PYGL: variants seen among roughly 807,000 people sequenced by gnomAD.
PYGL encodes glycogen phosphorylase L.
In PYGL, 90 loss-of-function variants were observed where a neutral mutation model predicts 100.1. The ratio of observed to expected loss-of-function variants is 0.90; its 90% CI spans 0.76 to 1.07. The LOEUF (loss-of-function observed/expected upper bound fraction) is 1.07. PYGL is among the 50% of genes least tolerant of loss of function. The pLI, the probability that PYGL is intolerant of heterozygous loss-of-function variation, is 0.00. For missense variants in PYGL, 1,016 were observed against 1,057.6 expected, an observed-to-expected ratio of 0.96 and a Z score of 0.55; for synonymous variants, 373 against 393.0, an observed-to-expected ratio of 0.95 and a Z score of 0.60.
At chr14:50,938,291 A>G (rs1292748180) in intron 1 of PYGL, among the ~76,000 whole-genome samples, 1 of 152,118 alleles carries the variant, frequency 6.6e-6, no homozygotes, top group East Asian at 1.9e-4. Flanking sequence ...GCTCACTGCA[A>G]CCTCTACCTC....
At chr14:50,908,240 T>G in intron 19 of PYGL, 31 bp downstream of exon 19, 1 of 1,526,920 alleles carries the variant, frequency 6.5e-7, no homozygotes, top group Non-Finnish European at 9.1e-7. Context: ...AGTAAACTGG[T>G]TTTCTTTATA....
chr14:50,905,827 C>T (rs2050330056), intron 19 of PYGL, among the ~76,000 whole-genome samples: 1 of 152,222 alleles, frequency 6.6e-6, no homozygotes, highest in South Asian at 2.1e-4. Flanking sequence ...GCAATTCCTG[C>T]TATGGTTACA....
rs2050383448 is a variant in PYGL, at chr14:50,910,479, AG to A, written c.1970-378del. ...TTTTTTTCTTTCTCTTTTTTGGTAC[AG>A]GGTCTCTCTCTGTCACCCAGGCTGG... is the stretch of plus-strand genomic sequence containing the variant. On this transcript the variant is annotated intron_variant, in intron 16 of 19. Coordinates refer to ENST00000216392, the MANE Select transcript of PYGL (RefSeq NM_002863.5). 2.0e-5 allele frequency among the ~76,000 whole-genome samples: 3 copies of A among 151,986 alleles called. No individual in the cohort carries two copies. In the South Asian group the frequency reaches 6.2e-4, roughly 32 times the overall value.
chr14:50,908,908 A>G lies in PYGL; in HGVS notation c.2225T>C (p.Val742Ala), dbSNP rs1244453742. The change falls in exon 18 of 20, where the codon GTC (valine) becomes GCC (alanine). Residue 742 changes from valine to alanine, a missense_variant. Coordinates refer to ENST00000216392, the MANE Select transcript of PYGL (RefSeq NM_002863.5). ...YYEALPELKL[V>A]IDQIDNGFFS... ...AAAGCCATTGTCAATTTGATCAATG[A>G]CCAGCTTCAGCTCTGGAAGTGCCTC... 5 of 1,594,958 alleles carry G rather than the reference A, an allele frequency of 3.1e-6. No homozygotes were observed. Among genetic ancestry groups the G allele is most frequent in the East Asian group, 2.3e-5 (1 of 44,354 alleles).
At position 50,912,000 on chromosome 14, in the gene PYGL, C is replaced by G; in HGVS notation, c.1805G>C (p.Arg602Thr). 1.2e-6 allele frequency: 2 copies of G among 1,613,920 alleles called. No homozygotes were observed. The highest frequency in any genetic ancestry group is 1.7e-6 in the Non-Finnish European group (2 of 1,179,780). ...TACTTTACCACCAATGATAACTGTC[C>G]TTGGCACGAATAACTTCTTAGGGTC... The part of the protein sequence containing the change: ...KKDPKKLFVP[R>T]TVIIGGKAAP... Residue 602 changes from arginine (R) to threonine (T), a missense_variant, in exon 15 of 20, where the codon AGG becomes ACG. Transcript: ENST00000216392.
In PYGL at chr14:50,905,527, G is replaced by C. The variant is rs776578863; in HGVS notation, c.2409C>G (p.Leu803=). ...MNPKAWNTMV[L]KNIAASGKFS... is the part of the protein sequence containing the mutation. ...ATTTCCCCGAGGCAGCTATGTTTTT[G>C]AGTACCATTGTGTTCCAGGCCTTTG... Residue 803 remains leucine, a synonymous_variant, in exon 20 of 20, where the codon CTC becomes CTG. Transcript: ENST00000216392. The C allele has an allele frequency of 6.2e-7, 1 of 1,614,000 alleles. No homozygotes were observed. The highest frequency in any genetic ancestry group is 1.1e-5 in the South Asian group (1 of 91,076).
chr14:50,921,292 C>A, intron 5 of PYGL: 3 of 560,212 alleles, frequency 5.4e-6, no homozygotes, highest in South Asian at 4.1e-5. Context: ...ACCATCCACA[C>A]TGATGGTCCT....
At chr14:50,914,887 G>A (rs531787728) in intron 11 of PYGL, 72 bp from the exon 12 acceptor site, 30 of 1,180,674 alleles carry the variant, frequency 2.5e-5, no homozygotes, top group South Asian at 1.1e-4. Context: ...GACAAAGTTC[G>A]GAGTTATATT....
chr14:50,905,246 A>T lies in PYGL; in HGVS notation c.*146T>A. ...CCTTGGAAATTGACACTTTATTTTT[A>T]AGCTCTATTACATATAATTTCCCTC... is the stretch of plus-strand genomic sequence containing the variant. On this transcript the variant is annotated 3_prime_UTR_variant, in exon 20 of 20. Coordinates refer to ENST00000216392, the MANE Select transcript of PYGL (RefSeq NM_002863.5). 1.2e-6 allele frequency: 1 copy of T among 813,104 alleles called. No homozygotes were observed. Among genetic ancestry groups the T allele is most frequent in the Non-Finnish European group, 1.9e-6 (1 of 515,952 alleles). The allele number at this position is 813,104 out of a possible 1,614,324, so 50.4% of individuals were successfully genotyped here. A position where few individuals can be genotyped will look rare whatever the true frequency, so the allele number is the denominator to read the frequency against.
intron 1 of PYGL, among the ~76,000 whole-genome samples, chr14:50,938,954 C>G (rs975558134): frequency 6.6e-5 from 10 of 152,102 alleles, no homozygotes; most frequent in Admixed American, 3.3e-4. Context: ...AAGATTAACT[C>G]CCACACACCG....
At chr14:50,934,417 C>A (rs551148085) in intron 3 of PYGL, among the ~76,000 whole-genome samples, 1 of 152,030 alleles carries the variant, frequency 6.6e-6, no homozygotes, top group Non-Finnish European at 1.5e-5. Context: ...AATTGAGAAG[C>A]TTTGAACAAA....
At chr14:50,933,283 A>G (rs1210963367) in intron 3 of PYGL, among the ~76,000 whole-genome samples, 5 of 152,214 alleles carry the variant, frequency 3.3e-5, no homozygotes, top group Non-Finnish European at 4.4e-5. Context: ...AGCCTACTAA[A>G]TTGTCTGATA....
intron 17 of PYGL, 41 bp downstream of exon 17, chr14:50,909,854 G>A (rs763671466): frequency 1.9e-5 from 30 of 1,604,510 alleles, no homozygotes; most frequent in East Asian, 2.2e-5. Flanking sequence ...TTCTAGGGGG[G>A]AGGGGCAGTC....
rs757032755 is a variant in PYGL at position 50,915,960 on chromosome 14, G to A, written c.1104C>T (p.Leu368=). The change falls in exon 10 of 20, where the codon CTC becomes CTT. Residue 368 remains leucine, a synonymous_variant. Coordinates refer to ENST00000216392, the MANE Select transcript of PYGL (RefSeq NM_002863.5). ...EKLPWSKAWE[L]TQKTFAYTNH... is the part of the protein sequence containing the mutation. ...TGGTGTAGGCGAAGGTCTTCTGGGTGAGCTCCCATGCCTGGGGGAAAGGAA... is the reference window on the plus strand; with the variant it reads ...TGGTGTAGGCGAAGGTCTTCTGGGTAAGCTCCCATGCCTGGGGGAAAGGAA... 1.2e-6 allele frequency: 2 copies of A among 1,613,946 alleles called. No homozygotes were observed. The highest frequency in any genetic ancestry group is 1.3e-5 in the African/African-American group (1 of 74,928).
intron 3 of PYGL, 31 bp from the exon 4 acceptor site, chr14:50,931,807 G>C: frequency 6.3e-7 from 1 of 1,597,172 alleles, no homozygotes; most frequent in Admixed American, 1.7e-5. Flanking sequence ...GCAAAAGATA[G>C]AGTCATTAAG....
intron 16 of PYGL, among the ~76,000 whole-genome samples, chr14:50,910,633 T>A (rs1015738006): frequency 6.6e-6 from 1 of 152,086 alleles, no homozygotes; most frequent in East Asian, 1.9e-4. Context: ...TTTTTTAAAA[T>A]TTTTGTATGT....
chr14:50,912,939 G>A, intron 13 of PYGL, 90 bp downstream of exon 13: 4 of 1,232,246 alleles, frequency 3.2e-6, no homozygotes, highest in Non-Finnish European at 3.5e-6. Flanking sequence ...GGGCAACAGA[G>A]CGAGACTCTG....
intron 1 of PYGL, among the ~76,000 whole-genome samples, chr14:50,943,731 G>A (rs1430706871): frequency 6.6e-6 from 1 of 152,240 alleles, no homozygotes; most frequent in African/African-American, 2.4e-5. Flanking sequence ...AGCAAGGCAA[G>A]ATTTTTGTCC....
rs911072555 is a variant in PYGL at position 50,906,304 on chromosome 14, G to A, written c.2380-748C>T. On this transcript the variant is annotated intron_variant, in intron 19 of 19. Transcript: ENST00000216392. ...TTATCAATGCATTATAAATGCTTAC[G>A]AGAAAGACTAAAACTACCATCATTC... Among the ~76,000 whole-genome samples, 5 of 152,126 alleles carry A rather than the reference G, an allele frequency of 3.3e-5. No homozygotes were observed. In the South Asian group the frequency reaches 8.3e-4, roughly 25 times the overall value.
Sources: allele counts gnomAD v4.1 joint callset (sites outside exome capture counted in the v4.1 genomes callset), GRCh38; gene constraint gnomAD v4.1.1; transcripts MANE v1.5; gene names NCBI Gene and HGNC (gene_info 2026-07-23, HGNC 2026-07-21).